Variants in NDUFAF2 observed in about 807,000 individuals in gnomAD.
The protein encoded by NDUFAF2 is NADH:ubiquinone oxidoreductase complex assembly factor 2, also known as NADH dehydrogenase [ubiquinone] 1 alpha subcomplex assembly factor 2.
A neutral mutation model predicts 22.8 loss-of-function variants in NDUFAF2; 13 were observed. That is an observed-to-expected ratio of 0.57 (90% CI 0.37 to 0.91). NDUFAF2 has a LOEUF of 0.91. NDUFAF2 is among the 40% of genes least tolerant of loss of function. The pLI is 0.01. For synonymous variants in NDUFAF2, 53 were observed against 64.2 expected (o/e 0.83, Z 0.84); for missense variants, 162 against 195.2 (o/e 0.83, Z 1.01).
At chr5:61,075,305 T>G (rs1580123560) in intron 2 of NDUFAF2, among the ~76,000 whole-genome samples, 1 of 152,140 alleles carries the variant, frequency 6.6e-6, no homozygotes, top group East Asian at 1.9e-4. Flanking sequence ...GTAAAAATAT[T>G]TTTCCATTTC....
At chr5:61,123,199 A>G (rs1253665553) in intron 3 of NDUFAF2, among the ~76,000 whole-genome samples, 1 of 152,162 alleles carries the variant, frequency 6.6e-6, no homozygotes, top group Admixed American at 6.6e-5. Context: ...CTTGTTCAAC[A>G]TAAGCCATAA....
chr5:61,075,642 T>C (rs1752359568), intron 2 of NDUFAF2, among the ~76,000 whole-genome samples: 1 of 152,208 alleles, frequency 6.6e-6, no homozygotes, highest in African/African-American at 2.4e-5. Context: ...AGTTCTAATC[T>C]TTTTATGGCT....
At chr5:60,991,497 G>A (rs1751158045) in intron 1 of NDUFAF2, among the ~76,000 whole-genome samples, 1 of 151,976 alleles carries the variant, frequency 6.6e-6, no homozygotes, top group African/African-American at 2.4e-5. Context: ...CTACTGTCTA[G>A]CTCCATGAGT....
At chr5:61,052,875 G>A (rs944944409) in intron 1 of NDUFAF2, among the ~76,000 whole-genome samples, 1 of 152,136 alleles carries the variant, frequency 6.6e-6, no homozygotes, top group East Asian at 1.9e-4. Context: ...CTTTATTCAG[G>A]AACATATTTG....
intron 3 of NDUFAF2, among the ~76,000 whole-genome samples, chr5:61,103,965 A>C (rs1752731740): frequency 6.6e-6 from 1 of 152,122 alleles, no homozygotes; most frequent in Non-Finnish European, 1.5e-5. Context: ...TTTATTATTA[A>C]ATAGGCTTTG....
chr5:61,034,731 T>C (rs1751774013), intron 1 of NDUFAF2, among the ~76,000 whole-genome samples: 1 of 151,970 alleles, frequency 6.6e-6, no homozygotes, highest in Admixed American at 6.6e-5. Flanking sequence ...GTTCAAACTA[T>C]GAAAGGAACA....
At chr5:61,092,396 A>G (rs1456596372) in intron 2 of NDUFAF2, among the ~76,000 whole-genome samples, 1 of 151,996 alleles carries the variant, frequency 6.6e-6, no homozygotes. Flanking sequence ...ATTTTTGGGC[A>G]GTGGTTTGTA....
At chr5:61,039,143 CA>C (rs36065069) in intron 1 of NDUFAF2, among the ~76,000 whole-genome samples, 1,623 of 82,496 alleles carry the variant, frequency 0.02, 7 homozygotes, top group African/African-American at 0.036. Context: ...GCTGACAGGC[CA>C]AAAAAAAAAA....
At chr5:60,967,410 T>C (rs1223925069) in intron 1 of NDUFAF2, among the ~76,000 whole-genome samples, 7 of 152,080 alleles carry the variant, frequency 4.6e-5, no homozygotes. Flanking sequence ...AGCATCCTTG[T>C]CTTGATTCGG....
At chr5:61,024,120 G>A (rs1378074812) in intron 1 of NDUFAF2, among the ~76,000 whole-genome samples, 2 of 151,932 alleles carry the variant, frequency 1.3e-5, no homozygotes, top group Admixed American at 6.6e-5. Context: ...CTTACATATT[G>A]GCTTGGACTA....
chr5:61,057,522 C>T (rs1032304160), intron 1 of NDUFAF2, among the ~76,000 whole-genome samples: 6 of 152,092 alleles, frequency 3.9e-5, no homozygotes, highest in African/African-American at 1.4e-4. Context: ...CTCAGAAGTA[C>T]AGTACTTGGT....
At chr5:61,031,075 G>A (rs1042178045) in intron 1 of NDUFAF2, among the ~76,000 whole-genome samples, 4 of 151,976 alleles carry the variant, frequency 2.6e-5, no homozygotes, top group South Asian at 2.1e-4. Flanking sequence ...GAGAGTATTC[G>A]TTATTCTTAT....
chr5:61,063,964 A>G (rs1443356596), intron 1 of NDUFAF2, among the ~76,000 whole-genome samples: 1 of 152,178 alleles, frequency 6.6e-6, no homozygotes, highest in Non-Finnish European at 1.5e-5. Context: ...AGTTAAAAAG[A>G]AAAACAAGAT....
intron 3 of NDUFAF2, among the ~76,000 whole-genome samples, chr5:61,148,979 T>C (rs1171802783): frequency 6.6e-6 from 1 of 152,170 alleles, no homozygotes; most frequent in Non-Finnish European, 1.5e-5. Context: ...GGTTTATTCA[T>C]TTATTTTTTG....
intron 1 of NDUFAF2, among the ~76,000 whole-genome samples, chr5:60,963,615 C>A (rs1040799082): frequency 6.6e-6 from 1 of 152,070 alleles, no homozygotes; most frequent in Non-Finnish European, 1.5e-5. Context: ...TATTGTATAC[C>A]TTGTAGGCCA....
At chr5:61,144,369 A>G (rs2111829222) in intron 3 of NDUFAF2, among the ~76,000 whole-genome samples, 1 of 152,336 alleles carries the variant, frequency 6.6e-6, no homozygotes, top group South Asian at 2.1e-4. Flanking sequence ...AACATAAAAA[A>G]TACTAGTGAC....
chr5:60,988,135 A>G (rs1751107311), intron 1 of NDUFAF2, among the ~76,000 whole-genome samples: 1 of 152,160 alleles, frequency 6.6e-6, no homozygotes, highest in Admixed American at 6.5e-5. Context: ...CTTTACACCA[A>G]CATGCAAGTG....
At chr5:61,057,535 G>A (rs1185988803) in intron 1 of NDUFAF2, among the ~76,000 whole-genome samples, 1 of 152,194 alleles carries the variant, frequency 6.6e-6, no homozygotes, top group African/African-American at 2.4e-5. Context: ...TACTTGGTCT[G>A]AATCAATGAT....
intron 3 of NDUFAF2, among the ~76,000 whole-genome samples, chr5:61,113,277 G>A (rs1044133542): frequency 6.6e-6 from 1 of 152,074 alleles, no homozygotes; most frequent in Admixed American, 6.5e-5. Context: ...ATTTGTTGTT[G>A]CTCATTAACA....
Sources: gnomAD v4.1 joint callset for allele counts (sites outside exome capture counted in the v4.1 genomes callset) on GRCh38, gnomAD v4.1.1 for gene constraint, MANE v1.5 for transcripts, NCBI Gene and HGNC (gene_info 2026-07-23, HGNC 2026-07-21) for gene names.